HTR1E: variants seen among roughly 807,000 people sequenced by gnomAD.
The protein encoded by HTR1E is 5-hydroxytryptamine receptor 1E.
Under a neutral mutation model 3.4 loss-of-function variants are expected in HTR1E, and 3 were observed. The observed-to-expected ratio is 0.89, with a 90% CI of 0.41 to 2.31. HTR1E has a LOEUF of 2.31. HTR1E is among the 30% of genes most tolerant of loss of function. The probability of loss-of-function intolerance (pLI) is 0.05; values close to 1 mark genes in which losing one functional copy is unlikely to be tolerated. For synonymous variants in HTR1E, 170 were observed against 182.8 expected (o/e 0.93, Z 0.56); for missense variants, 392 against 467.0 (o/e 0.84, Z 1.48).
At chr6:86,955,408 GA>G in intron 1 of HTR1E, among the ~76,000 whole-genome samples, 1 of 152,304 alleles carries the variant, frequency 6.6e-6, no homozygotes, top group Non-Finnish European at 1.5e-5. Flanking sequence ...ACAGATACTT[GA>G]TAGTGAGATA....
At chr6:87,012,696 G>A (rs944968704) in intron 1 of HTR1E, among the ~76,000 whole-genome samples, 4 of 152,140 alleles carry the variant, frequency 2.6e-5, no homozygotes, top group East Asian at 1.9e-4. Flanking sequence ...ACAAATGACC[G>A]CAAACACTTA....
chr6:86,995,688 GAAAAAAAAA>G (rs58476122), intron 1 of HTR1E, among the ~76,000 whole-genome samples: 1 of 55,244 alleles, frequency 1.8e-5, no homozygotes, highest in Admixed American at 3.1e-4. Flanking sequence ...AAAAAAAAAA[GAAAAAAAAA>G]AAAAAAAGAA....
intron 1 of HTR1E, among the ~76,000 whole-genome samples, chr6:86,941,958 A>G (rs1348991554): frequency 6.6e-6 from 1 of 152,214 alleles, no homozygotes; most frequent in Admixed American, 6.5e-5. Context: ...ATGACAGATT[A>G]AATAATTAGC....
chr6:87,004,884 CA>C (rs1768079403), intron 1 of HTR1E, among the ~76,000 whole-genome samples: 1 of 152,038 alleles, frequency 6.6e-6, no homozygotes, highest in Non-Finnish European at 1.5e-5. Flanking sequence ...TACACAAATA[CA>C]ATCAAGTCAA....
At chr6:86,974,203 A>G (rs1453488983) in intron 1 of HTR1E, among the ~76,000 whole-genome samples, 1 of 152,254 alleles carries the variant, frequency 6.6e-6, no homozygotes, top group Non-Finnish European at 1.5e-5. Flanking sequence ...GTAAATTGCC[A>G]GCCTAATGCT....
intron 1 of HTR1E, among the ~76,000 whole-genome samples, chr6:86,949,923 T>TA (rs1364320596): frequency 6.6e-6 from 1 of 152,132 alleles, no homozygotes; most frequent in Non-Finnish European, 1.5e-5. Context: ...TCCCGTTACC[T>TA]AACCAAGCAC....
intron 1 of HTR1E, among the ~76,000 whole-genome samples, chr6:86,958,951 T>G (rs1037936713): frequency 5.6e-5 from 8 of 144,046 alleles, no homozygotes; most frequent in Middle Eastern, 3.2e-3. Flanking sequence ...TGTGTGTGTG[T>G]GTGTGTGTGT....
chr6:86,938,616 C>T (rs767165590), intron 1 of HTR1E, among the ~76,000 whole-genome samples: 2 of 152,218 alleles, frequency 1.3e-5, no homozygotes, highest in Admixed American at 6.5e-5. Context: ...CCCAACGCTG[C>T]TTGTCCTTGA....
chr6:87,014,098 C>T (rs1768279459), intron 1 of HTR1E, among the ~76,000 whole-genome samples: 3 of 152,004 alleles, frequency 2.0e-5, no homozygotes, highest in Admixed American at 2.0e-4. Context: ...CACCACACAC[C>T]CGGGCCTGTC....
chr6:87,011,585 T>A (rs1421352431), intron 1 of HTR1E, among the ~76,000 whole-genome samples: 1 of 152,204 alleles, frequency 6.6e-6, no homozygotes, highest in Non-Finnish European at 1.5e-5. Flanking sequence ...TTGTCCCATA[T>A]TTCAGATAAC....
At position 86,983,333 on chromosome 6, in the gene HTR1E, T is replaced by A. The variant is rs75934164; in HGVS notation, c.-185-31817T>A. 2.3e-3 allele frequency among the ~76,000 whole-genome samples: 347 copies of A among 152,322 alleles called. 3 individuals are homozygous for A. The highest frequency in any genetic ancestry group is 7.9e-3 in the African/African-American group (328 of 41,588). ...TATCACTATCACTATCTTCTGATCA[T>A]GGTATCACTATCTTCTGATCAAAAT... On this transcript the variant is annotated intron_variant, in intron 1 of 1. Transcript: ENST00000305344.
At chr6:86,998,146 G>A (rs1767971261) in intron 1 of HTR1E, among the ~76,000 whole-genome samples, 1 of 151,956 alleles carries the variant, frequency 6.6e-6, no homozygotes, top group South Asian at 2.1e-4. Flanking sequence ...ATTATAGTTG[G>A]AGATTTTAAC....
At position 86,937,580 on chromosome 6, in the gene HTR1E, C is replaced by CG. The variant is rs1768483174; in HGVS notation, c.-426dup. ...GCAGCGCCTGCCACCAGCGGTGCCT[C>CG]GGGCTGCCCGGCGCGCCGCGCTCCC... On this transcript the variant is annotated 5_prime_UTR_variant, in exon 1 of 2. Coordinates refer to ENST00000305344, the MANE Select transcript of HTR1E (RefSeq NM_000865.3). The CG allele has an allele frequency of 6.6e-6, 1 of 152,574 alleles. No homozygotes were observed. Among genetic ancestry groups the CG allele is most frequent in the South Asian group, 2.1e-4 (1 of 4,860 alleles). The allele number at this position is 152,574 out of a possible 1,614,324, so 9.5% of individuals were successfully genotyped here.
chr6:86,960,575 A>ATCAAGATCCAT (rs540675222), intron 1 of HTR1E, among the ~76,000 whole-genome samples: 1 of 152,196 alleles, frequency 6.6e-6, no homozygotes, highest in Non-Finnish European at 1.5e-5. Flanking sequence ...CGGTTGTTCA[A>ATCAAGATCCAT]TCAAGATCCA....
chr6:86,938,275 G>A (rs1768498368), intron 1 of HTR1E, among the ~76,000 whole-genome samples: 2 of 152,160 alleles, frequency 1.3e-5, no homozygotes, highest in Non-Finnish European at 2.9e-5. Flanking sequence ...TGATTAGAAA[G>A]GACTGCACTG....
chr6:87,011,689 G>C (rs1317184046), intron 1 of HTR1E, among the ~76,000 whole-genome samples: 1 of 152,162 alleles, frequency 6.6e-6, no homozygotes, highest in Non-Finnish European at 1.5e-5. Flanking sequence ...CTTCAGTCAA[G>C]CATGTGGCCT....
chr6:86,972,539 A>G (rs1767574852), intron 1 of HTR1E, among the ~76,000 whole-genome samples: 1 of 152,246 alleles, frequency 6.6e-6, no homozygotes, highest in Non-Finnish European at 1.5e-5. Flanking sequence ...TTGAGAAATT[A>G]TATTAAAAAA....
At chr6:86,951,231 CG>C (rs1357035551) in intron 1 of HTR1E, among the ~76,000 whole-genome samples, 1 of 152,076 alleles carries the variant, frequency 6.6e-6, no homozygotes, top group Non-Finnish European at 1.5e-5. Context: ...ACTGTTTTGG[CG>C]GGATGCATTA....
intron 1 of HTR1E, among the ~76,000 whole-genome samples, chr6:86,955,419 A>G (rs184473591): frequency 4.6e-5 from 7 of 152,338 alleles, no homozygotes; most frequent in Non-Finnish European, 7.3e-5. Flanking sequence ...ATAGTGAGAT[A>G]AAGTGGCACG....
Sources: gnomAD v4.1 joint callset for allele counts (sites outside exome capture counted in the v4.1 genomes callset) on GRCh38, gnomAD v4.1.1 for gene constraint, MANE v1.5 for transcripts, NCBI Gene and HGNC (gene_info 2026-07-23, HGNC 2026-07-21) for gene names.